Variants in PPP2R2C observed in about 807,000 individuals in gnomAD.
PPP2R2C encodes protein phosphatase 2 regulatory subunit Bgamma, also known as protein phosphatase 2, regulatory subunit B, gamma.
Under a neutral mutation model 45.3 loss-of-function variants are expected in PPP2R2C, and 10 were observed. The ratio of observed to expected loss-of-function variants is 0.22; its 90% CI spans 0.14 to 0.37. The LOEUF is 0.37. Ranked by LOEUF, PPP2R2C falls within the 10% of genes least tolerant of loss-of-function variation. The pLI is 1.00. For missense variants in PPP2R2C, 308 were observed against 619.7 expected, an observed-to-expected ratio of 0.50 and a Z score of 5.34; for synonymous variants, 257 against 245.4, an observed-to-expected ratio of 1.05 and a Z score of -0.44.
chr4:6,445,958 C>T (rs969398182), intron 1 of PPP2R2C, among the ~76,000 whole-genome samples: 2 of 152,188 alleles, frequency 1.3e-5, no homozygotes, highest in African/African-American at 4.8e-5. Flanking sequence ...CCAGCTTAGG[C>T]GACTGCCCGG....
intron 2 of PPP2R2C, among the ~76,000 whole-genome samples, chr4:6,481,445 C>G (rs1224510266): frequency 1.3e-5 from 2 of 152,178 alleles, no homozygotes; most frequent in Non-Finnish European, 2.9e-5. Flanking sequence ...AATGCCACTT[C>G]TTTTCTATAC....
chr4:6,417,791 G>A (rs932316948), intron 1 of PPP2R2C, among the ~76,000 whole-genome samples: 1 of 152,230 alleles, frequency 6.6e-6, no homozygotes, highest in African/African-American at 2.4e-5. Flanking sequence ...GTCACTCAGA[G>A]GACGGCCCTC....
At chr4:6,350,863 C>T (rs754865631) in intron 5 of PPP2R2C, 34 of 985,272 alleles carry the variant, frequency 3.5e-5, no homozygotes, top group Non-Finnish European at 3.6e-5. Flanking sequence ...ACACTTGCAG[C>T]GTGAGTGGGA....
At chr4:6,354,814 C>T (rs544015957) in intron 5 of PPP2R2C, among the ~76,000 whole-genome samples, 5 of 152,178 alleles carry the variant, frequency 3.3e-5, no homozygotes, top group East Asian at 1.9e-4. Flanking sequence ...TGGGTTCCTC[C>T]GCCCACAGCC....
chr4:6,460,794 A>G (rs1721282208), intron 1 of PPP2R2C, among the ~76,000 whole-genome samples: 1 of 152,196 alleles, frequency 6.6e-6, no homozygotes, highest in Non-Finnish European at 1.5e-5. Context: ...AAGACAGCCA[A>G]TAGAAATCAA....
intron 8 of PPP2R2C, among the ~76,000 whole-genome samples, chr4:6,327,683 G>A (rs1342532381): frequency 1.3e-5 from 2 of 152,184 alleles, no homozygotes; most frequent in Non-Finnish European, 2.9e-5. Flanking sequence ...TCTGGGGGCA[G>A]GGCCTAGAGA....
At chr4:6,493,046 G>A (rs1035015220) in intron 2 of PPP2R2C, among the ~76,000 whole-genome samples, 23 of 151,966 alleles carry the variant, frequency 1.5e-4, no homozygotes, top group African/African-American at 5.3e-4. Flanking sequence ...ACCCTGCCTC[G>A]GGGACTTTGC....
intron 1 of PPP2R2C, chr4:6,414,049 G>T: frequency 4.1e-6 from 6 of 1,462,658 alleles, no homozygotes; most frequent in East Asian, 2.7e-5. Context: ...ATTATGCATG[G>T]GACAGTAACA....
At chr4:6,337,100 GTA>G (rs1288837739) in intron 6 of PPP2R2C, among the ~76,000 whole-genome samples, 3 of 63,298 alleles carry the variant, frequency 4.7e-5, no homozygotes, top group Non-Finnish European at 8.7e-5. Context: ...CTTTGTTTCT[GTA>G]TGTGTGTGTG....
chr4:6,512,212 A>G (rs868479323), intron 2 of PPP2R2C, among the ~76,000 whole-genome samples: 3,947 of 15,562 alleles, frequency 0.25, 217 homozygotes, highest in Non-Finnish European at 0.32. Flanking sequence ...GGTGGTGGTG[A>G]TGGTGGTGTT....
chr4:6,531,017 C>T (rs1234590279), intron 2 of PPP2R2C, among the ~76,000 whole-genome samples: 2 of 152,134 alleles, frequency 1.3e-5, no homozygotes, highest in Admixed American at 6.5e-5. Flanking sequence ...GGGAGGAGCC[C>T]GCTCTGAGTG....
At chr4:6,410,382 G>A (rs910274214) in intron 1 of PPP2R2C, among the ~76,000 whole-genome samples, 11 of 152,134 alleles carry the variant, frequency 7.2e-5, no homozygotes, top group Admixed American at 1.3e-4. Context: ...CCCCTGACTC[G>A]GGGGGTGGTG....
chr4:6,394,725 C>G (rs1716901358), intron 1 of PPP2R2C, among the ~76,000 whole-genome samples: 1 of 152,256 alleles, frequency 6.6e-6, no homozygotes, highest in Admixed American at 6.5e-5. Context: ...GGCTTCTGTG[C>G]TCCCAGCACC....
intron 2 of PPP2R2C, among the ~76,000 whole-genome samples, chr4:6,499,243 C>A (rs1722968516): frequency 6.6e-6 from 1 of 152,234 alleles, no homozygotes; most frequent in South Asian, 2.1e-4. Context: ...AGGGGAAGGA[C>A]TGACTCACCC....
At chr4:6,494,306 T>C (rs559925472) in intron 2 of PPP2R2C, among the ~76,000 whole-genome samples, 40 of 152,336 alleles carry the variant, frequency 2.6e-4, no homozygotes, top group South Asian at 6.2e-4. Flanking sequence ...GTCCGCTGGG[T>C]GGGTTAATAT....
chr4:6,402,674 G>C (rs928568685), intron 1 of PPP2R2C, among the ~76,000 whole-genome samples: 2 of 152,222 alleles, frequency 1.3e-5, no homozygotes, highest in African/African-American at 4.8e-5. Flanking sequence ...CACATGGCAT[G>C]GCCAGGGCTG....
In PPP2R2C at chr4:6,439,668, TC is replaced by T. The variant is rs551974519; in HGVS notation, c.70+32491del. Among the ~76,000 whole-genome samples the T allele has an allele frequency of 1.9e-3, 291 of 152,082 alleles. 1 individual carries two copies. The highest frequency in any genetic ancestry group is 6.7e-3 in the African/African-American group (279 of 41,480). On this transcript the variant is annotated intron_variant, in intron 1 of 8. Coordinates refer to ENST00000382599, the MANE Select transcript of PPP2R2C (RefSeq NM_020416.4). ...CAGTCCACCCCCATCTCATCCACTC[TC>T]CCCACCATGAACAGAGAGGTCTTCC...
chr4:6,444,311 C>G (rs889915264), intron 1 of PPP2R2C, among the ~76,000 whole-genome samples: 14 of 152,186 alleles, frequency 9.2e-5, no homozygotes, highest in African/African-American at 3.4e-4. Context: ...ACAGGTAGGC[C>G]TGGTGGAGAC....
At chr4:6,488,640 C>T (rs1722602343) in intron 2 of PPP2R2C, among the ~76,000 whole-genome samples, 2 of 152,118 alleles carry the variant, frequency 1.3e-5, no homozygotes, top group Non-Finnish European at 1.5e-5. Flanking sequence ...GCCATGATTA[C>T]ACCACTGCAC....
Sources: allele counts gnomAD v4.1 joint callset (sites outside exome capture counted in the v4.1 genomes callset), GRCh38; gene constraint gnomAD v4.1.1; transcripts MANE v1.5; gene names NCBI Gene and HGNC (gene_info 2026-07-23, HGNC 2026-07-21).